OTP: variants seen among roughly 807,000 people sequenced by gnomAD.
OTP encodes the protein homeobox protein orthopedia.
OTP carries 5 observed loss-of-function variants against 22.3 expected under a neutral mutation model. That is an observed-to-expected ratio of 0.22 (90% CI 0.12 to 0.47). The LOEUF (loss-of-function observed/expected upper bound fraction) is 0.47, where lower values mean the gene tolerates loss of function less well. Among genes scored for constraint, OTP ranks in the 20% least tolerant of loss-of-function variants. The pLI is 0.99. For missense variants in OTP, 428 were observed against 456.2 expected (o/e 0.94, Z 0.56); for synonymous variants, 229 against 210.6 (o/e 1.09, Z -0.76).
intron 1 of OTP, 51 bp from the exon 2 acceptor site, chr5:77,637,281 G>A (rs779857697): frequency 1.1e-4 from 154 of 1,453,236 alleles, no homozygotes; most frequent in South Asian, 2.8e-4. Context: ...ATGCCAGGAG[G>A]GGCTGTCTTC....
intron 1 of OTP, among the ~76,000 whole-genome samples, chr5:77,638,270 GA>G (rs1228894462): frequency 8.1e-5 from 12 of 148,978 alleles, no homozygotes; most frequent in African/African-American, 2.9e-4. Flanking sequence ...AAAGGCGGGG[GA>G]GGGGGGAAGA....
chr5:77,630,071 G>C lies in OTP; in HGVS notation c.*193C>G, dbSNP rs1002780573. Reference sequence around the variant, plus strand: ...GGACCGCGGGCGATCGAAATCAGGCGGAGGGGAGGCCTCGCGGGCTGGGGC... The same window carrying C: ...GGACCGCGGGCGATCGAAATCAGGCCGAGGGGAGGCCTCGCGGGCTGGGGC... On this transcript the variant is annotated 3_prime_UTR_variant, in exon 3 of 3. Transcript: ENST00000306422. 17 of 290,378 alleles carry C rather than the reference G, an allele frequency of 5.9e-5. No homozygotes were observed. The highest frequency in any genetic ancestry group is 3.2e-4 in the South Asian group (2 of 6,274). The allele number at this position is 290,378 out of a possible 1,614,324, so 18.0% of individuals were successfully genotyped here.
rs1229143502 is a variant in OTP at position 77,629,984 on chromosome 5, G to C, written c.*280C>G. ...GGTGGCGGGAAGGGTGGGCTGAGGC[G>C]CTGGAGACCGAGCCGAGGGCGCAGC... On this transcript the variant is annotated 3_prime_UTR_variant, in exon 3 of 3. Transcript: ENST00000306422. 1 of 203,662 alleles carries C rather than the reference G, an allele frequency of 4.9e-6. No homozygotes were observed. Among genetic ancestry groups the C allele is most frequent in the Non-Finnish European group, 9.8e-6 (1 of 102,094 alleles). 12.6% of individuals were successfully genotyped at this position (203,662 alleles called of 1,614,324 possible).
intron 1 of OTP, among the ~76,000 whole-genome samples, chr5:77,638,148 G>C (rs1271677287): frequency 1.3e-5 from 2 of 150,838 alleles, no homozygotes; most frequent in African/African-American, 4.9e-5. Context: ...GAGAAACGGG[G>C]GGAGGGAAGG....
intron 1 of OTP, 37 bp from the exon 2 acceptor site, chr5:77,637,267 G>T: frequency 6.8e-7 from 1 of 1,460,916 alleles, no homozygotes; most frequent in South Asian, 1.5e-5. Context: ...CTACTTTCTT[G>T]GCGATGCCAG....
chr5:77,636,487 G>T, intron 2 of OTP: 1 of 323,862 alleles, frequency 3.1e-6, no homozygotes, highest in Admixed American at 4.5e-5. Flanking sequence ...CAGGAGTTGA[G>T]GTGTGCGCTC....
chr5:77,637,958 C>T (rs1034378620), intron 1 of OTP, among the ~76,000 whole-genome samples: 25 of 152,268 alleles, frequency 1.6e-4, no homozygotes, highest in African/African-American at 5.8e-4. Context: ...CAGCCATTGG[C>T]AACGCTGAGT....
intron 2 of OTP, among the ~76,000 whole-genome samples, chr5:77,633,781 TC>T (rs148080422): frequency 2.6e-5 from 4 of 152,206 alleles, no homozygotes; most frequent in Middle Eastern, 3.4e-3. Context: ...TATTACTTTT[TC>T]CCCCCTTGAA....
chr5:77,632,179 C>G (rs1744941391), intron 2 of OTP, among the ~76,000 whole-genome samples: 1 of 151,864 alleles, frequency 6.6e-6, no homozygotes, highest in South Asian at 2.1e-4. Flanking sequence ...GTCAAACCCT[C>G]TATCACAGAA....
chr5:77,636,181 C>T (rs1745004148), intron 2 of OTP: 1 of 152,166 alleles, frequency 6.6e-6, no homozygotes, highest in Non-Finnish European at 1.5e-5. Flanking sequence ...CAAAACAAAA[C>T]GGGGCTCACC....
At chr5:77,634,715 C>T (rs1288844540) in intron 2 of OTP, among the ~76,000 whole-genome samples, 2 of 152,174 alleles carry the variant, frequency 1.3e-5, no homozygotes, top group Admixed American at 6.5e-5. Flanking sequence ...TTTTGCATTA[C>T]ATTACATAAT....
At chr5:77,632,175 C>T (rs1018049914) in intron 2 of OTP, among the ~76,000 whole-genome samples, 4 of 151,952 alleles carry the variant, frequency 2.6e-5, no homozygotes, top group African/African-American at 9.7e-5. Flanking sequence ...GCATGTCAAA[C>T]CCTCTATCAC....
chr5:77,636,868 G>T lies in OTP; in HGVS notation c.400C>A (p.Arg134Ser), dbSNP rs760163008. The T allele has an allele frequency of 2.5e-6, 4 of 1,614,112 alleles. No individual in the cohort carries two copies. The highest frequency in any genetic ancestry group is 3.4e-6 in the Non-Finnish European group (4 of 1,179,998). Residue 134 changes from arginine (R) to serine (S), a missense_variant, in exon 2 of 3, where the codon CGT becomes AGT. Coordinates refer to ENST00000306422, the MANE Select transcript of OTP (RefSeq NM_032109.3). ...AKTHYPDIFM[R>S]EELALRIGLT... Reference sequence around the variant, plus strand: ...CCGATACGCAGTGCCAGCTCCTCACGCATAAAGATGTCGGGGTAGTGAGTC... The same window carrying T: ...CCGATACGCAGTGCCAGCTCCTCACTCATAAAGATGTCGGGGTAGTGAGTC...
chr5:77,630,170 G>C lies in OTP; in HGVS notation c.*94C>G, dbSNP rs1580061616. ...ACGGGGCGAAGGCCGGGGCGGGACGGGGCAGGGCGCCGGGGTCCGGGTGCG... is the reference window on the plus strand; with the variant it reads ...ACGGGGCGAAGGCCGGGGCGGGACGCGGCAGGGCGCCGGGGTCCGGGTGCG... On this transcript the variant is annotated 3_prime_UTR_variant, in exon 3 of 3. Transcript: ENST00000306422. 1 of 750,722 alleles carries C rather than the reference G, an allele frequency of 1.3e-6. No individual in the cohort carries two copies. The highest frequency in any genetic ancestry group is 1.8e-6 in the Non-Finnish European group (1 of 551,928). 46.5% of individuals were successfully genotyped at this position (750,722 alleles called of 1,614,324 possible).
intron 2 of OTP, 173 bp downstream of exon 2, chr5:77,636,648 A>G: frequency 1.6e-6 from 1 of 612,650 alleles, no homozygotes; most frequent in East Asian, 2.9e-5. Flanking sequence ...CCATTGGGGG[A>G]TGGCGATGGG....
chr5:77,637,071 A>G lies in OTP; in HGVS notation c.197T>C (p.Val66Ala), dbSNP rs1265024159. Residue 66 changes from valine (V) to alanine (A), a missense_variant, in exon 2 of 3, where the codon GTG becomes GCG. Physicochemically the swap from Val to Ala is moderately conservative, Grantham distance 64. Coordinates refer to ENST00000306422, the MANE Select transcript of OTP (RefSeq NM_032109.3). ...TLLPGEDITT[V>A]GSTPASLAVS... is the part of the protein sequence containing the mutation. ...CGCCAGCGAGGCCGGAGTAGAGCCC[A>G]CTGTGGTGATGTCCTCCCCGGGCAG... The G allele has an allele frequency of 6.2e-7, 1 of 1,613,386 alleles. No individual in the cohort carries two copies. The highest frequency in any genetic ancestry group is 8.5e-7 in the Non-Finnish European group (1 of 1,179,828).
chr5:77,634,595 T>C (rs1194500034), intron 2 of OTP, among the ~76,000 whole-genome samples: 1 of 152,198 alleles, frequency 6.6e-6, no homozygotes, highest in African/African-American at 2.4e-5. Flanking sequence ...TAAAGAAAAC[T>C]ATGAAGTATT....
rs148166215 is a variant in OTP, at chr5:77,637,029, G to C, written c.239C>G (p.Pro80Arg). The C allele has an allele frequency of 6.2e-7, 1 of 1,612,834 alleles. No individual in the cohort carries two copies. Among genetic ancestry groups the C allele is most frequent in the Admixed American group, 1.7e-5 (1 of 59,972 alleles). Residue 80 changes from proline to arginine, a missense_variant, in exon 2 of 3, where the codon CCG becomes CGG. By Grantham distance (103) the Pro-to-Arg change is moderately radical. Transcript: ENST00000306422. ...PASLAVSAKD[P>R]DKQPGPQGGP... ...GCCCTGGGGCCCGGGCTGCTTGTCC[G>C]GGTCTTTGGCGCTCACCGCCAGCGA... is the stretch of plus-strand genomic sequence containing the variant.
In OTP at chr5:77,631,551, CTTTTTTTTTTT is replaced by C. The variant is rs70988699; in HGVS notation, c.448-768_448-758del. On this transcript the variant is annotated intron_variant, in intron 2 of 2. Coordinates refer to ENST00000306422, the MANE Select transcript of OTP (RefSeq NM_032109.3). ...TGCCCCAAGAGCCTTCAACCCTATT[CTTTTTTTTTTT>C]TTTTTTTTTTTTTTGAGACGGAGTC... Among the ~76,000 whole-genome samples, 97 of 74,250 alleles carry C rather than the reference CTTTTTTTTTTT, an allele frequency of 1.3e-3. 1 individual carries two copies. In the South Asian group the frequency reaches 0.036, roughly 27 times the overall value. The allele number at this position is 74,250 out of a possible 152,430, so 48.7% of individuals were successfully genotyped here.
Sources: gnomAD v4.1 joint callset for allele counts (sites outside exome capture counted in the v4.1 genomes callset) on GRCh38, gnomAD v4.1.1 for gene constraint, MANE v1.5 for transcripts, NCBI Gene and HGNC (gene_info 2026-07-23, HGNC 2026-07-21) for gene names.